ESF1: variants seen among roughly 807,000 people sequenced by gnomAD.
The protein encoded by ESF1 is ESF1 nucleolar pre-rRNA processing protein.
In ESF1, 58 loss-of-function variants were observed where a neutral mutation model predicts 92.0. The observed-to-expected ratio is 0.63, with a 90% CI of 0.51 to 0.78. The LOEUF (loss-of-function observed/expected upper bound fraction) is 0.78, where lower values mean the gene tolerates loss of function less well. ESF1 is among the 30% of genes least tolerant of loss of function. The pLI is 0.00. For synonymous variants in ESF1, 321 were observed against 313.7 expected, an observed-to-expected ratio of 1.02 and a Z score of -0.24; for missense variants, 922 against 989.1, an observed-to-expected ratio of 0.93 and a Z score of 0.91.
intron 9 of ESF1, among the ~76,000 whole-genome samples, chr20:13,750,649 T>C (rs1454919104): frequency 4.6e-5 from 7 of 152,202 alleles, no homozygotes; most frequent in African/African-American, 1.7e-4. Context: ...AGCTAAACAA[T>C]AAAAAGTTCT....
chr20:13,719,122 C>T (rs778658806), intron 11 of ESF1, 138 bp from the exon 12 acceptor site: 51 of 523,876 alleles, frequency 9.7e-5, no homozygotes, highest in African/African-American at 7.3e-4. Context: ...GAAAAAAACA[C>T]GTTACTGAAA....
At chr20:13,719,033 G>T in intron 11 of ESF1, 49 bp from the exon 12 acceptor site, 3 of 1,346,940 alleles carry the variant, frequency 2.2e-6, no homozygotes, top group Non-Finnish European at 3.1e-6. Flanking sequence ...AGGACTATCA[G>T]CAACATTCTG....
intron 9 of ESF1, among the ~76,000 whole-genome samples, chr20:13,748,829 C>T (rs1038218036): frequency 2.0e-5 from 3 of 151,676 alleles, no homozygotes; most frequent in East Asian, 1.9e-4. Context: ...CCTCGTGATC[C>T]GCCCACCTCA....
chr20:13,778,296 C>T (rs1980032819), intron 2 of ESF1, among the ~76,000 whole-genome samples: 2 of 151,926 alleles, frequency 1.3e-5, no homozygotes, highest in African/African-American at 4.8e-5. Context: ...GTCACAGGTT[C>T]TATATATGAG....
At chr20:13,728,796 G>A (rs1461376550) in intron 10 of ESF1, among the ~76,000 whole-genome samples, 1 of 152,032 alleles carries the variant, frequency 6.6e-6, no homozygotes, top group Non-Finnish European at 1.5e-5. Flanking sequence ...GAACCCAGGA[G>A]GAAGAGGTTG....
chr20:13,714,842 A>T lies in ESF1; in HGVS notation c.*32T>A. On this transcript the variant is annotated 3_prime_UTR_variant, in exon 14 of 14. Coordinates refer to ENST00000617257, the MANE Select transcript of ESF1 (RefSeq NM_001276380.2). ...TTATTTTTGTACATTTTAGGAAAAG[A>T]TGTATTCAGTTCAAAAATAAGTAAC... The T allele has an allele frequency of 6.6e-7, 1 of 1,525,782 alleles. No homozygotes were observed. The highest frequency in any genetic ancestry group is 8.9e-7 in the Non-Finnish European group (1 of 1,128,082). 94.5% of individuals were successfully genotyped at this position (1,525,782 alleles called of 1,614,324 possible).
intron 12 of ESF1, among the ~76,000 whole-genome samples, chr20:13,718,035 C>G (rs917073994): frequency 2.7e-5 from 4 of 150,002 alleles, no homozygotes; most frequent in African/African-American, 9.8e-5. Context: ...CTTCTGAAAT[C>G]TAGTAAATGT....
At chr20:13,774,589 A>G (rs917023628) in intron 4 of ESF1, among the ~76,000 whole-genome samples, 1 of 152,238 alleles carries the variant, frequency 6.6e-6, no homozygotes, top group Non-Finnish European at 1.5e-5. Context: ...AGATGTAAAC[A>G]TACTTGAGAG....
intron 8 of ESF1, among the ~76,000 whole-genome samples, chr20:13,761,426 A>G (rs1318485309): frequency 6.6e-6 from 1 of 151,752 alleles, no homozygotes; most frequent in East Asian, 1.9e-4. Context: ...AAAAAAAAAA[A>G]AAGAAGATGG....
At chr20:13,771,310 G>A in intron 6 of ESF1, 21 bp downstream of exon 6, 2 of 1,594,926 alleles carry the variant, frequency 1.3e-6, no homozygotes, top group Non-Finnish European at 1.7e-6. Flanking sequence ...GATTAAATTG[G>A]TAATACATAC....
chr20:13,780,506 A>C (rs1473874620), intron 2 of ESF1, among the ~76,000 whole-genome samples: 1 of 152,164 alleles, frequency 6.6e-6, no homozygotes, highest in Non-Finnish European at 1.5e-5. Flanking sequence ...CAAATGTAAA[A>C]TGGGATACCA....
chr20:13,715,498 C>T (rs2049818561), intron 13 of ESF1, among the ~76,000 whole-genome samples: 1 of 152,148 alleles, frequency 6.6e-6, no homozygotes, highest in Non-Finnish European at 1.5e-5. Flanking sequence ...TGAGGCAGGG[C>T]TTTCCCATGC....
chr20:13,737,867 G>A (rs1237683320), intron 9 of ESF1, among the ~76,000 whole-genome samples: 1 of 152,176 alleles, frequency 6.6e-6, no homozygotes, highest in African/African-American at 2.4e-5. Context: ...TGTTGGCCAG[G>A]CTGGTCTTGA....
At chr20:13,760,695 C>T (rs1281631669) in intron 8 of ESF1, among the ~76,000 whole-genome samples, 2 of 151,442 alleles carry the variant, frequency 1.3e-5, no homozygotes, top group Non-Finnish European at 2.9e-5. Flanking sequence ...CCAGCCGCCC[C>T]GTCTGGGAGG....
At chr20:13,765,657 T>C (rs1979395993) in intron 8 of ESF1, among the ~76,000 whole-genome samples, 2 of 152,138 alleles carry the variant, frequency 1.3e-5, no homozygotes, top group Admixed American at 1.3e-4. Flanking sequence ...CCCAGGGAAA[T>C]GGTCAATCTG....
chr20:13,782,146 G>A (rs1980218236), intron 2 of ESF1, among the ~76,000 whole-genome samples: 1 of 152,108 alleles, frequency 6.6e-6, no homozygotes, highest in African/African-American at 2.4e-5. Context: ...CCAAAGTGCT[G>A]GGATTACAGG....
At chr20:13,771,868 G>C (rs1979698626) in intron 5 of ESF1, among the ~76,000 whole-genome samples, 1 of 149,012 alleles carries the variant, frequency 6.7e-6, no homozygotes, top group Admixed American at 6.7e-5. Flanking sequence ...CAAAATGTTT[G>C]CTTAAGAGTC....
rs768807883 is a variant in ESF1, at chr20:13,782,683, C to A, written c.458G>T (p.Ser153Ile). 5 of 1,594,722 alleles carry A rather than the reference C, an allele frequency of 3.1e-6. No individual in the cohort carries two copies. Among genetic ancestry groups the A allele is most frequent in the Non-Finnish European group, 4.3e-6 (5 of 1,174,338 alleles). Residue 153 changes from serine to isoleucine, a missense_variant, in exon 2 of 14, where the codon AGT becomes ATT. Transcript: ENST00000617257. ...AAATTCTTTGCTATCCTTCTTCGGA[C>A]TTATGTTTGAATCTATCTTAAATTT... ...SCKFKIDSNI[S>I]PKKDSKEFTQ...
intron 12 of ESF1, 106 bp downstream of exon 12, chr20:13,718,802 G>A (rs1199233933): frequency 1.5e-5 from 9 of 620,304 alleles, no homozygotes; most frequent in Non-Finnish European, 2.2e-5. Flanking sequence ...AGTTATAAAT[G>A]CCACTGCTAA....
Sources: allele counts gnomAD v4.1 joint callset (sites outside exome capture counted in the v4.1 genomes callset), GRCh38; gene constraint gnomAD v4.1.1; transcripts MANE v1.5; gene names NCBI Gene and HGNC (gene_info 2026-07-23, HGNC 2026-07-21).